The following TTN variants were observed in gnomAD, a reference collection of about 807,000 sequenced individuals.
TTN encodes the protein titin.
Under a neutral mutation model 3,223.0 loss-of-function variants are expected in TTN, and 1,525 were observed. That is an observed-to-expected ratio of 0.47 (90% CI 0.45 to 0.49). The LOEUF (loss-of-function observed/expected upper bound fraction) is 0.49. Ranked by LOEUF, TTN falls within the 20% of genes least tolerant of loss-of-function variation. TTN has a pLI of 0.00. For missense variants in TTN, 40,786 were observed against 43,424.0 expected, an observed-to-expected ratio of 0.94 and a Z score of 5.40; for synonymous variants, 14,094 against 15,161.0, an observed-to-expected ratio of 0.93 and a Z score of 5.17.
intron 292 of TTN, 114 bp downstream of exon 292, chr2:178,598,392 A>C (rs72646830): frequency 3.9e-6 from 5 of 1,284,542 alleles, no homozygotes; most frequent in Non-Finnish European, 5.3e-6. Context: ...AAATTATGCT[A>C]TTTTCCTGAT....
intron 41 of TTN, among the ~76,000 whole-genome samples, chr2:178,765,489 C>T (rs1259783119): frequency 6.6e-6 from 1 of 152,140 alleles, no homozygotes; most frequent in African/African-American, 2.4e-5. Flanking sequence ...CTGACACTAT[C>T]ATAGAAAAGA....
At chr2:178,529,268 A>G (rs1196770660) in intron 359 of TTN, 49 bp from the exon 360 acceptor site, 6 of 1,312,314 alleles carry the variant, frequency 4.6e-6, no homozygotes, top group Non-Finnish European at 6.0e-6. Context: ...AGAGACCCCC[A>G]CCTTTTACTC....
At chr2:178,747,959 C>A in intron 47 of TTN, 1 of 1,613,038 alleles carries the variant, frequency 6.2e-7, no homozygotes, top group Non-Finnish European at 8.5e-7. Context: ...CTGAACATCA[C>A]CTCTGTGGTC....
rs1449008181 is a variant in TTN, at chr2:178,632,567, T to C, written c.43439A>G (p.Glu14480Gly). 3 of 1,613,408 alleles carry C rather than the reference T, an allele frequency of 1.9e-6. No individual in the cohort carries two copies. Among genetic ancestry groups the C allele is most frequent in the Admixed American group, 1.7e-5 (1 of 59,976 alleles). ...AFEDEAKYMF[E>G]AEDKHTSGKL... ...GCCACTTGTGTGCTTATCTTCAGCTTCAAACATGTATTTTGCTTCATCTTC... is the reference window on the plus strand; with the variant it reads ...GCCACTTGTGTGCTTATCTTCAGCTCCAAACATGTATTTTGCTTCATCTTC... Residue 14480 changes from glutamate (E) to glycine (G), a missense_variant, in exon 235 of 363, where the codon GAA (glutamate) becomes GGA (glycine). Physicochemically the swap from Glu to Gly is moderately conservative, Grantham distance 98. Coordinates refer to ENST00000589042, the MANE Select transcript of TTN (RefSeq NM_001267550.2).
intron 1 of TTN, among the ~76,000 whole-genome samples, chr2:178,806,733 C>T (rs1029566603): frequency 1.3e-5 from 2 of 152,192 alleles, no homozygotes; most frequent in African/African-American, 4.8e-5. Context: ...GGTTGACTGA[C>T]AGCAGGCAAG....
intron 96 of TTN, 146 bp from the exon 97 acceptor site, chr2:178,711,495 A>G: frequency 9.5e-7 from 1 of 1,049,378 alleles, no homozygotes; most frequent in East Asian, 2.7e-5. Flanking sequence ...GGAGATAAAG[A>G]AAAGCATATA....
Position 178,552,134 on chromosome 2 carries a change from C to T in TTN, c.90766G>A (p.Glu30256Lys). ...WDVPEDNGGG[E>K]ITCYSIEKRE... ...TTCTCGATGCTGTAACAAGTAATTT[C>T]TCCTCCTCCATTATCTTCAGGTACA... The change falls in exon 335 of 363, where the codon GAA becomes AAA. Residue 30256 changes from glutamate to lysine, a missense_variant. Transcript: ENST00000589042. The T allele has an allele frequency of 6.2e-7, 1 of 1,613,160 alleles. No homozygotes were observed. Among genetic ancestry groups the T allele is most frequent in the Non-Finnish European group, 8.5e-7 (1 of 1,179,618 alleles).
At position 178,592,985 on chromosome 2, in the gene TTN, T is replaced by A. The variant is rs547436872; in HGVS notation, c.59134A>T (p.Ile19712Phe). The change falls in exon 300 of 363, where the codon ATT (isoleucine) becomes TTT (phenylalanine). Residue 19712 changes from isoleucine (I) to phenylalanine (F), a missense_variant. Physicochemically the swap from Ile to Phe is conservative, Grantham distance 21. Coordinates refer to ENST00000589042, the MANE Select transcript of TTN (RefSeq NM_001267550.2). ...TGGTACTCAACAATATAACCCAGAATCTTGCTCCCACCATCATGACGTGGT... is the reference window on the plus strand; with the variant it reads ...TGGTACTCAACAATATAACCCAGAAACTTGCTCCCACCATCATGACGTGGT... The part of the protein sequence containing the change: ...QPPRHDGGSK[I>F]LGYIVEYQKV... The A allele has an allele frequency of 8.1e-6, 13 of 1,613,414 alleles. No individual in the cohort carries two copies. The highest frequency in any genetic ancestry group is 1.1e-5 in the Non-Finnish European group (13 of 1,179,636).
Position 178,788,435 on chromosome 2 carries a change from A to T in TTN, c.2076+925T>A, listed in dbSNP as rs374669581. ...TTGCATAGTGGAATTTCTGTCATTT[A>T]TGAGACTTCTGAAAGGCTGATATGC... On this transcript the variant is annotated intron_variant, in intron 13 of 362. Transcript: ENST00000589042. 8.5e-5 allele frequency among the ~76,000 whole-genome samples: 13 copies of T among 152,224 alleles called. No individual in the cohort carries two copies. The Middle Eastern group carries it at 0.01, about 120-fold the overall frequency.
rs1158489320 is a variant in TTN, at chr2:178,720,040, A to G, written c.23602T>C (p.Cys7868Arg). The G allele has an allele frequency of 4.3e-6, 7 of 1,613,358 alleles. No homozygotes were observed. Among genetic ancestry groups the G allele is most frequent in the East Asian group, 2.2e-5 (1 of 44,838 alleles). Residue 7868 changes from cysteine (C) to arginine (R), a missense_variant, in exon 81 of 363, where the codon TGC becomes CGC. Transcript: ENST00000589042. ...PEASNSGKYICQIKNDAGMRE... is the reference protein window; with the variant it reads ...PEASNSGKYIRQIKNDAGMRE... Reference sequence around the variant, plus strand: ...ATTCCAGCATCGTTTTTGATTTGGCATATATATTTTCCAGAATTAGATGCT... The same window carrying G: ...ATTCCAGCATCGTTTTTGATTTGGCGTATATATTTTCCAGAATTAGATGCT...
rs758801815 is a variant in TTN at position 178,573,824 on chromosome 2, G to A, written c.72308C>T (p.Thr24103Ile). The A allele has an allele frequency of 1.2e-6, 2 of 1,612,134 alleles. No homozygotes were observed. Among genetic ancestry groups the A allele is most frequent in the African/African-American group, 1.3e-5 (1 of 74,984 alleles). ...AGCAAAGCCACCAGGATTAGTCGCT[G>A]TAAGGGTATAGGCACCACTATCCCT... ...TRRDSGAYTL[T>I]ATNPGGFAKH... Residue 24103 changes from threonine (T) to isoleucine (I), a missense_variant, in exon 326 of 363, where the codon ACA becomes ATA. Physicochemically the swap from Thr to Ile is moderately conservative, Grantham distance 89. Coordinates refer to ENST00000589042, the MANE Select transcript of TTN (RefSeq NM_001267550.2).
chr2:178,541,158 T>C lies in TTN; in HGVS notation c.97795+124A>G, dbSNP rs3731751. 132,269 of 921,998 alleles carry C rather than the reference T, an allele frequency of 0.14. 11,480 individuals carry two copies. The highest frequency in any genetic ancestry group is 0.43 in the East Asian group (14,266 of 33,222). 57.1% of individuals were successfully genotyped at this position (921,998 alleles called of 1,614,324 possible). A position where few individuals can be genotyped will look rare whatever the true frequency, so the allele number is the denominator to read the frequency against. On this transcript the variant is annotated intron_variant, in intron 350 of 362. Coordinates refer to ENST00000589042, the MANE Select transcript of TTN (RefSeq NM_001267550.2). ...GTAATAAAAATATTCCACATTTTGA[T>C]TGTGGTGGTGATTACAAAACAGTAC... is the stretch of plus-strand genomic sequence containing the variant.
chr2:178,563,211 C>G lies in TTN; in HGVS notation c.82921G>C (p.Glu27641Gln). Residue 27641 changes from glutamate (E) to glutamine (Q), a missense_variant, in exon 326 of 363, where the codon GAA becomes CAA. Coordinates refer to ENST00000589042, the MANE Select transcript of TTN (RefSeq NM_001267550.2). The surrounding 1 kb of genome is among the most constrained non-coding windows in gnomAD (Gnocchi z 4.5). ...ATGGCACAAATACGGAAGTTATATT[C>G]AGTGTTTTCTTTAAGCTTGGTCACT... is the stretch of plus-strand genomic sequence containing the variant. ...FTVTKLKENTEYNFRICAINS... is the reference protein window; with the variant it reads ...FTVTKLKENTQYNFRICAINS... The G allele has an allele frequency of 1.9e-6, 3 of 1,613,682 alleles. No individual in the cohort carries two copies. The highest frequency in any genetic ancestry group is 2.5e-6 in the Non-Finnish European group (3 of 1,179,704).
chr2:178,534,086 G>T lies in TTN; in HGVS notation c.102529C>A (p.Leu34177Met), dbSNP rs760034286. The stretch of plus-strand genomic sequence containing the variant: ...ATTTCGTATTTCTCACTGTTCTCCA[G>T]CTGTCGGACGCCAAAGTACCAAGTC... ...QVTWYFGVRQ[L>M]ENSEKYEITY... is the part of the protein sequence containing the mutation. Residue 34177 changes from leucine (L) to methionine (M), a missense_variant, in exon 358 of 363, where the codon CTG becomes ATG. Leu to Met is a conservative substitution (Grantham distance 15). Coordinates refer to ENST00000589042, the MANE Select transcript of TTN (RefSeq NM_001267550.2). 1 of 1,613,900 alleles carries T rather than the reference G, an allele frequency of 6.2e-7. No individual in the cohort carries two copies. The highest frequency in any genetic ancestry group is 1.7e-5 in the Admixed American group (1 of 60,012).
Position 178,561,521 on chromosome 2 carries a change from G to A in TTN, c.84611C>T (p.Ala28204Val), listed in dbSNP as rs1703657816. Residue 28204 changes from alanine (A) to valine (V), a missense_variant, in exon 326 of 363, where the codon GCA (alanine) becomes GTA (valine). Coordinates refer to ENST00000589042, the MANE Select transcript of TTN (RefSeq NM_001267550.2). ...AGTATCAGCAATGAGGATTTTATTTGCTTTTGACCAAAGAATGCTGCTTCT... is the reference window on the plus strand; with the variant it reads ...AGTATCAGCAATGAGGATTTTATTTACTTTTGACCAAAGAATGCTGCTTCT... ...KERSSILWSKANKILIADTQM... is the reference protein window; with the variant it reads ...KERSSILWSKVNKILIADTQM... 3 of 1,613,280 alleles carry A rather than the reference G, an allele frequency of 1.9e-6. No homozygotes were observed. In the South Asian group the frequency reaches 3.3e-5, roughly 18 times the overall value.
chr2:178,547,832 G>A lies in TTN; in HGVS notation c.93794C>T (p.Thr31265Ile), dbSNP rs1697844635. 6.2e-7 allele frequency: 1 copy of A among 1,613,838 alleles called. No homozygotes were observed. The highest frequency in any genetic ancestry group is 8.5e-7 in the Non-Finnish European group (1 of 1,179,840). ...RLKETDRVSI[T>I]TTKDRTTLTV... ...CAGTGTGGTTCTGTCTTTTGTTGTT[G>A]TAATGCTCACTCGATCTGTCTCTTT... The change falls in exon 339 of 363, where the codon ACA becomes ATA. Residue 31265 changes from threonine to isoleucine, a missense_variant. Coordinates refer to ENST00000589042, the MANE Select transcript of TTN (RefSeq NM_001267550.2).
At position 178,576,907 on chromosome 2, in the gene TTN, C is replaced by G; in HGVS notation, c.69412+16G>C. ...ATAAATGTTTCCATGTCAATTCCCT[C>G]ACATGCTCTACATACCAAATCTGTC... On this transcript the variant is annotated intron_variant, in intron 324 of 362. Coordinates refer to ENST00000589042, the MANE Select transcript of TTN (RefSeq NM_001267550.2). The surrounding 1 kb of genome is among the most constrained non-coding windows in gnomAD (Gnocchi z 4.3). 1.2e-6 allele frequency: 2 copies of G among 1,606,958 alleles called. No homozygotes were observed. Among genetic ancestry groups the G allele is most frequent in the Non-Finnish European group, 1.7e-6 (2 of 1,177,204 alleles).
chr2:178,712,820 A>C lies in TTN; in HGVS notation c.27205T>G (p.Leu9069Val). The change falls in exon 94 of 363, where the codon TTG becomes GTG. Residue 9069 changes from leucine (L) to valine (V), a missense_variant. By Grantham distance (32) the Leu-to-Val change is conservative. Coordinates refer to ENST00000589042, the MANE Select transcript of TTN (RefSeq NM_001267550.2). ...LVPGDRCNVS[L>V]EDSVAELELF... Reference sequence around the variant, plus strand: ...TCCAGTTCAGCAACTGAATCCTCCAAAGACACGTTGCATCTGTCACCTGGT... The same window carrying C: ...TCCAGTTCAGCAACTGAATCCTCCACAGACACGTTGCATCTGTCACCTGGT... 6.2e-7 allele frequency: 1 copy of C among 1,613,772 alleles called. No homozygotes were observed. Among genetic ancestry groups the C allele is most frequent in the Middle Eastern group, 1.7e-4 (1 of 6,060 alleles).
intron 137 of TTN, 85 bp downstream of exon 137, chr2:178,681,280 TCAGCAAAAACA>T: frequency 6.9e-7 from 1 of 1,441,798 alleles, no homozygotes; most frequent in Non-Finnish European, 9.5e-7. Context: ...AACATCCTAC[TCAGCAAAAACA>T]CAGACCATCA....
Sources: allele counts gnomAD v4.1 joint callset (sites outside exome capture counted in the v4.1 genomes callset), GRCh38; gene constraint gnomAD v4.1.1; non-coding constraint Gnocchi (gnomAD v3.1); transcripts MANE v1.5; gene names NCBI Gene and HGNC (gene_info 2026-07-23, HGNC 2026-07-21).